Variants in MLIP observed in about 807,000 individuals in gnomAD.
MLIP encodes muscular LMNA interacting protein, also known as muscular LMNA-interacting protein.
In MLIP, 79 loss-of-function variants were observed where a neutral mutation model predicts 84.8. That is an observed-to-expected ratio of 0.93 (90% confidence interval 0.78 to 1.12). The LOEUF is 1.12. Ranked by LOEUF, MLIP falls within the 50% of genes most tolerant of loss-of-function variation. MLIP has a pLI of 0.00. For missense variants in MLIP, 1,257 were observed against 1,160.6 expected, an observed-to-expected ratio of 1.08 and a Z score of -1.21; for synonymous variants, 504 against 463.0, an observed-to-expected ratio of 1.09 and a Z score of -1.14.
intron 1 of MLIP, among the ~76,000 whole-genome samples, chr6:54,113,784 A>G (rs1028120421): frequency 6.6e-6 from 1 of 152,166 alleles, no homozygotes. Context: ...AACAGTCATC[A>G]TAGTATCAAC....
chr6:54,241,251 C>T (rs1179333229), intron 12 of MLIP, among the ~76,000 whole-genome samples: 1 of 149,836 alleles, frequency 6.7e-6, no homozygotes, highest in Non-Finnish European at 1.5e-5. Flanking sequence ...TCATATAACT[C>T]CTAGTAAGTA....
At chr6:54,246,664 C>A (rs974224010) in intron 12 of MLIP, among the ~76,000 whole-genome samples, 1 of 151,980 alleles carries the variant, frequency 6.6e-6, no homozygotes, top group Non-Finnish European at 1.5e-5. Context: ...TCTGTTATTT[C>A]TGCTTTTCAG....
At chr6:54,023,024 G>A (rs1189114245) in intron 1 of MLIP, among the ~76,000 whole-genome samples, 3 of 152,008 alleles carry the variant, frequency 2.0e-5, no homozygotes, top group African/African-American at 7.2e-5. Context: ...AAAATTAGCC[G>A]GGCGTGGTGG....
chr6:54,086,004 T>C (rs1251349650), intron 1 of MLIP, among the ~76,000 whole-genome samples: 3 of 152,306 alleles, frequency 2.0e-5, no homozygotes, highest in Non-Finnish European at 4.4e-5. Context: ...AGACCTGCCA[T>C]GACAGCCTGA....
chr6:54,112,786 T>C (rs1769579183), intron 1 of MLIP, among the ~76,000 whole-genome samples: 1 of 152,322 alleles, frequency 6.6e-6, no homozygotes, highest in Non-Finnish European at 1.5e-5. Context: ...GTTGCCTTTA[T>C]TGTCAGGATG....
chr6:54,152,287 A>C (rs930292323), intron 5 of MLIP, among the ~76,000 whole-genome samples: 2 of 152,190 alleles, frequency 1.3e-5, no homozygotes, highest in Non-Finnish European at 2.9e-5. Context: ...GTTCAACAAT[A>C]TACTAAGGTC....
At chr6:54,198,421 A>C (rs1778446162) in intron 10 of MLIP, among the ~76,000 whole-genome samples, 1 of 152,194 alleles carries the variant, frequency 6.6e-6, no homozygotes, top group Non-Finnish European at 1.5e-5. Flanking sequence ...CTAATATTCC[A>C]AGAGAGACTT....
chr6:54,252,368 ATATAACTATAATATATTATAACATATAAT>A (rs1290273925), intron 12 of MLIP, among the ~76,000 whole-genome samples: 16 of 88,766 alleles, frequency 1.8e-4, no homozygotes, highest in African/African-American at 1.6e-3. Flanking sequence ...ACCATATACT[ATATAACTATAATATATTATAACATATAAT>A]ATATAATATA....
chr6:54,082,623 C>T (rs1767234237), intron 1 of MLIP, among the ~76,000 whole-genome samples: 1 of 152,108 alleles, frequency 6.6e-6, no homozygotes, highest in African/African-American at 2.4e-5. Context: ...ATTTATTCTC[C>T]CTTTAGCAAT....
intron 1 of MLIP, among the ~76,000 whole-genome samples, chr6:54,034,472 C>T (rs969862997): frequency 3.3e-5 from 5 of 152,268 alleles, no homozygotes; most frequent in African/African-American, 1.2e-4. Flanking sequence ...CTAGTGGCAT[C>T]TTAATGATCC....
chr6:54,248,269 T>C (rs946004834), intron 12 of MLIP, among the ~76,000 whole-genome samples: 5 of 152,130 alleles, frequency 3.3e-5, no homozygotes, highest in African/African-American at 4.8e-5. Context: ...TTGAAAACAA[T>C]TGAAAATGAT....
chr6:54,024,830 G>T (rs774247506), intron 1 of MLIP, among the ~76,000 whole-genome samples: 8 of 151,388 alleles, frequency 5.3e-5, no homozygotes, highest in African/African-American at 1.7e-4. Context: ...ATGGTAACAT[G>T]ATTATTATTA....
At chr6:54,050,485 A>G (rs948333408) in intron 1 of MLIP, among the ~76,000 whole-genome samples, 26 of 152,136 alleles carry the variant, frequency 1.7e-4, no homozygotes, top group African/African-American at 5.8e-4. Context: ...CTCATTAAAT[A>G]TTCTTCACAA....
intron 1 of MLIP, among the ~76,000 whole-genome samples, chr6:54,105,935 C>T (rs1028447278): frequency 6.6e-6 from 1 of 152,122 alleles, no homozygotes; most frequent in Non-Finnish European, 1.5e-5. Flanking sequence ...ACACAGGAAT[C>T]TAGTGGAGAG....
intron 1 of MLIP, among the ~76,000 whole-genome samples, chr6:54,098,333 T>TC (rs1029970916): frequency 4.9e-5 from 7 of 144,110 alleles, no homozygotes; most frequent in East Asian, 2.0e-4. Context: ...TTAATTTCTT[T>TC]TTTTTTTTTT....
At chr6:54,035,869 T>C (rs1764407218) in intron 1 of MLIP, among the ~76,000 whole-genome samples, 1 of 152,076 alleles carries the variant, frequency 6.6e-6, no homozygotes, top group Non-Finnish European at 1.5e-5. Context: ...TCTAGATGCA[T>C]GTTCTTTGTT....
chr6:54,216,568 A>C (rs1779867264), intron 11 of MLIP: 1 of 980,652 alleles, frequency 1.0e-6, no homozygotes, highest in Admixed American at 6.1e-5. Context: ...TAAGTTATCC[A>C]AATTCTATCT....
rs1475547101 is a variant in MLIP, at chr6:54,089,442, A to G, written c.64-32005A>G. Among the ~76,000 whole-genome samples the G allele has an allele frequency of 3.3e-5, 5 of 152,110 alleles. No individual in the cohort carries two copies. In the East Asian group the frequency reaches 7.7e-4, roughly 23 times the overall value. On this transcript the variant is annotated intron_variant, in intron 1 of 12. Coordinates refer to the MLIP transcript ENST00000274897. The stretch of plus-strand genomic sequence containing the variant: ...TTCAAAGCTGTACTTTTTCTTTTCA[A>G]GGAGTACAGAATGTCGCTCAATATA...
At chr6:54,148,816 T>G (rs1231635572) in intron 4 of MLIP, among the ~76,000 whole-genome samples, 6 of 152,136 alleles carry the variant, frequency 3.9e-5, no homozygotes, top group African/African-American at 1.4e-4. Context: ...TGAAATGGAG[T>G]GGCATATAGT....
Sources: allele counts gnomAD v4.1 joint callset (sites outside exome capture counted in the v4.1 genomes callset), GRCh38; gene constraint gnomAD v4.1.1; transcripts MANE v1.5; gene names NCBI Gene and HGNC (gene_info 2026-07-23, HGNC 2026-07-21).